SLC16A7: variants seen among roughly 807,000 people sequenced by gnomAD.
The protein encoded by SLC16A7 is solute carrier family 16 member 7, also known as monocarboxylate transporter 2.
In SLC16A7, 33 loss-of-function variants were observed where a neutral mutation model predicts 34.9. That is an observed-to-expected ratio of 0.94 (90% CI 0.72 to 1.26). The LOEUF (loss-of-function observed/expected upper bound fraction) is 1.26. Ranked by LOEUF, SLC16A7 falls within the 50% of genes most tolerant of loss-of-function variation. SLC16A7 has a pLI of 0.00. For synonymous variants in SLC16A7, 201 were observed against 206.6 expected, an observed-to-expected ratio of 0.97 and a Z score of 0.23; for missense variants, 573 against 578.1, an observed-to-expected ratio of 0.99 and a Z score of 0.09.
At chr12:59,663,555 G>A (rs1165877731) in intron 2 of SLC16A7, among the ~76,000 whole-genome samples, 2 of 152,012 alleles carry the variant, frequency 1.3e-5, no homozygotes, top group East Asian at 3.9e-4. Context: ...GAAGCACCTT[G>A]TTTCGTTGGG....
At position 59,775,391 on chromosome 12, in the gene SLC16A7, G is replaced by T. The variant is rs766022124; in HGVS notation, c.1096G>T (p.Val366Leu). The change falls in exon 5 of 6, where the codon GTG (valine) becomes TTG (leucine). Residue 366 changes from valine to leucine, a missense_variant. Val to Leu is a conservative substitution (Grantham distance 32). Coordinates refer to ENST00000547379, the MANE Select transcript of SLC16A7 (RefSeq NM_001270623.2). ...SVLFETLMDL[V>L]GAPRFSSAVG... ...TCTCTTTGAAACTCTCATGGACCTC[G>T]TGGGTGCACCAAGATTTTCCAGTGC... The T allele has an allele frequency of 6.2e-7, 1 of 1,614,088 alleles. No individual in the cohort carries two copies. Among genetic ancestry groups the T allele is most frequent in the Non-Finnish European group, 8.5e-7 (1 of 1,179,974 alleles).
Position 59,771,368 on chromosome 12 carries a change from C to A in SLC16A7, c.361+6C>A. On this transcript the variant is annotated splice_donor_region_variant and intron_variant, in intron 4 of 5. Coordinates refer to ENST00000547379, the MANE Select transcript of SLC16A7 (RefSeq NM_001270623.2). ...CACTATGGGATTCATTACAGGTAAG[C>A]CATTTAGTCTTCAGCTTATTCTTAA... is the stretch of plus-strand genomic sequence containing the variant. The A allele has an allele frequency of 6.3e-7, 1 of 1,577,484 alleles. No individual in the cohort carries two copies. The highest frequency in any genetic ancestry group is 8.6e-7 in the Non-Finnish European group (1 of 1,161,436).
At chr12:59,645,332 C>A (rs987014413) in intron 1 of SLC16A7, among the ~76,000 whole-genome samples, 10 of 152,118 alleles carry the variant, frequency 6.6e-5, no homozygotes, top group Admixed American at 6.6e-5. Flanking sequence ...TGTGTCCCCA[C>A]CCAAATCTCA....
At chr12:59,690,038 A>ATTCTG (rs1871463423) in intron 2 of SLC16A7, among the ~76,000 whole-genome samples, 1 of 151,986 alleles carries the variant, frequency 6.6e-6, no homozygotes, top group Admixed American at 6.6e-5. Context: ...CATTCCTAGA[A>ATTCTG]AGGATTCTGT....
chr12:59,682,674 T>C (rs1870832675), intron 2 of SLC16A7, among the ~76,000 whole-genome samples: 1 of 152,186 alleles, frequency 6.6e-6, no homozygotes, highest in South Asian at 2.1e-4. Context: ...TTTCATCATG[T>C]GACAATGCAA....
chr12:59,756,873 T>G (rs1370794654), intron 3 of SLC16A7, among the ~76,000 whole-genome samples: 1 of 130,576 alleles, frequency 7.7e-6, no homozygotes, highest in Non-Finnish European at 1.6e-5. Context: ...CCAACAATGA[T>G]AGACTGGATT....
chr12:59,726,708 G>A (rs1334797619), intron 3 of SLC16A7, among the ~76,000 whole-genome samples: 3 of 152,124 alleles, frequency 2.0e-5, no homozygotes, highest in Non-Finnish European at 2.9e-5. Flanking sequence ...GTCTTGGGCT[G>A]TCAGAGATGC....
At chr12:59,704,552 A>G (rs1315583987) in intron 2 of SLC16A7, among the ~76,000 whole-genome samples, 1 of 152,204 alleles carries the variant, frequency 6.6e-6, no homozygotes, top group Non-Finnish European at 1.5e-5. Context: ...TAATCAAATT[A>G]AATTATTTAA....
Position 59,788,354 on chromosome 12 carries a change from A to AT in SLC16A7, c.*8680dup, listed in dbSNP as rs1418951726. On this transcript the variant is annotated 3_prime_UTR_variant, in exon 6 of 6. Coordinates refer to ENST00000547379, the MANE Select transcript of SLC16A7 (RefSeq NM_001270623.2). ...TTATATTTTAGGCTGTATTTTTGTGATTTTTAAGTGAAAAAAATAAAATGT... is the reference window on the plus strand; with the variant it reads ...TTATATTTTAGGCTGTATTTTTGTGATTTTTTAAGTGAAAAAAATAAAATGT... The AT allele has an allele frequency of 6.6e-6, 1 of 151,998 alleles. No individual in the cohort carries two copies. Among genetic ancestry groups the AT allele is most frequent in the East Asian group, 1.9e-4 (1 of 5,190 alleles). 9.4% of individuals were successfully genotyped at this position (151,998 alleles called of 1,614,324 possible). A position where few individuals can be genotyped will look rare whatever the true frequency, so the allele number is the denominator to read the frequency against.
At chr12:59,695,744 G>A (rs1872213297) in intron 2 of SLC16A7, among the ~76,000 whole-genome samples, 1 of 151,952 alleles carries the variant, frequency 6.6e-6, no homozygotes, top group Non-Finnish European at 1.5e-5. Flanking sequence ...TTTTGATCTA[G>A]GCAAAGAAAG....
chr12:59,714,565 CT>C (rs369579828), intron 3 of SLC16A7, among the ~76,000 whole-genome samples: 116 of 146,382 alleles, frequency 7.9e-4, no homozygotes, highest in African/African-American at 2.1e-3. Flanking sequence ...CTCTCTCTCT[CT>C]TTTTTTTTTT....
intron 1 of SLC16A7, among the ~76,000 whole-genome samples, chr12:59,645,637 A>G (rs533233226): frequency 1.3e-5 from 2 of 152,198 alleles, no homozygotes; most frequent in East Asian, 3.9e-4. Context: ...CCAGCATGAG[A>G]ACAGATTAAT....
intron 2 of SLC16A7, among the ~76,000 whole-genome samples, chr12:59,655,796 CT>C (rs201125920): frequency 0.011 from 1,615 of 151,974 alleles, 36 homozygotes; most frequent in African/African-American, 0.038. Flanking sequence ...TTCATACAAT[CT>C]TGGTCTAAAG....
chr12:59,608,095 A>G (rs1203565369), intron 1 of SLC16A7, among the ~76,000 whole-genome samples: 2 of 152,166 alleles, frequency 1.3e-5, no homozygotes, highest in Non-Finnish European at 2.9e-5. Flanking sequence ...GCAAATTTTT[A>G]TTGAATATAC....
chr12:59,774,225 C>T (rs531243964), intron 4 of SLC16A7, among the ~76,000 whole-genome samples: 3 of 152,000 alleles, frequency 2.0e-5, no homozygotes, highest in East Asian at 1.9e-4. Flanking sequence ...TCTTCAATGC[C>T]GAAAGGAAAG....
chr12:59,627,143 A>G (rs1167528475), intron 1 of SLC16A7, among the ~76,000 whole-genome samples: 1 of 151,824 alleles, frequency 6.6e-6, no homozygotes, highest in Non-Finnish European at 1.5e-5. Context: ...GACTCATATC[A>G]CTTACAATGT....
rs1194417215 is a variant in SLC16A7, at chr12:59,786,437, G to T, written c.*6758G>T. 1 of 151,826 alleles carries T rather than the reference G, an allele frequency of 6.6e-6. No homozygotes were observed. The highest frequency in any genetic ancestry group is 2.4e-5 in the African/African-American group (1 of 41,352). 9.4% of individuals were successfully genotyped at this position (151,826 alleles called of 1,614,324 possible). The stretch of plus-strand genomic sequence containing the variant: ...TTTTTTCTCATCCTCCGAATCTCAA[G>T]AGTACATATTTCTGACAAGCTTTTC... On this transcript the variant is annotated 3_prime_UTR_variant, in exon 6 of 6. Coordinates refer to ENST00000547379, the MANE Select transcript of SLC16A7 (RefSeq NM_001270623.2).
At chr12:59,657,654 G>A (rs150864561) in intron 2 of SLC16A7, among the ~76,000 whole-genome samples, 69 of 152,082 alleles carry the variant, frequency 4.5e-4, no homozygotes, top group Non-Finnish European at 5.0e-4. Context: ...CCTGGTGGTA[G>A]CATATATTTG....
At chr12:59,769,557 T>G (rs1007653701) in intron 3 of SLC16A7, among the ~76,000 whole-genome samples, 2 of 152,128 alleles carry the variant, frequency 1.3e-5, no homozygotes, top group Non-Finnish European at 2.9e-5. Flanking sequence ...AAATGCAAAC[T>G]TTTGTATTCT....
Sources: allele counts gnomAD v4.1 joint callset (sites outside exome capture counted in the v4.1 genomes callset), GRCh38; gene constraint gnomAD v4.1.1; transcripts MANE v1.5; gene names NCBI Gene and HGNC (gene_info 2026-07-23, HGNC 2026-07-21).